The following KCNIP4 variants were observed in gnomAD, a reference collection of about 807,000 sequenced individuals.
The protein encoded by KCNIP4 is potassium voltage-gated channel interacting protein 4.
In KCNIP4, 12 loss-of-function variants were observed where a neutral mutation model predicts 34.0. The ratio of observed to expected loss-of-function variants is 0.35; its 90% confidence interval spans 0.23 to 0.57. The LOEUF (loss-of-function observed/expected upper bound fraction) is 0.57, where lower values mean the gene tolerates loss of function less well. KCNIP4 is among the 20% of genes least tolerant of loss of function. KCNIP4 has a pLI of 0.83. For synonymous variants in KCNIP4, 124 were observed against 102.2 expected, an observed-to-expected ratio of 1.21 and a Z score of -1.29; for missense variants, 238 against 311.7, an observed-to-expected ratio of 0.76 and a Z score of 1.78.
intron 1 of KCNIP4, among the ~76,000 whole-genome samples, chr4:21,229,762 C>T (rs750767698): frequency 6.6e-6 from 1 of 152,098 alleles, no homozygotes; most frequent in Admixed American, 6.6e-5. Context: ...ATAGGCACCT[C>T]ATAGCTACCT....
chr4:21,488,656 G>A (rs1469522465), intron 1 of KCNIP4, among the ~76,000 whole-genome samples: 1 of 152,170 alleles, frequency 6.6e-6, no homozygotes, highest in Non-Finnish European at 1.5e-5. Context: ...AAACCAATAC[G>A]TCACAATCAC....
intron 1 of KCNIP4, among the ~76,000 whole-genome samples, chr4:21,843,120 G>A (rs777944796): frequency 4.6e-5 from 7 of 152,064 alleles, no homozygotes; most frequent in Non-Finnish European, 1.0e-4. Flanking sequence ...AGCAAAATAT[G>A]TGATTCATCC....
intron 1 of KCNIP4, among the ~76,000 whole-genome samples, chr4:21,353,455 G>A (rs1169230241): frequency 6.6e-6 from 1 of 152,164 alleles, no homozygotes; most frequent in Non-Finnish European, 1.5e-5. Flanking sequence ...GACCTTAAAT[G>A]ATGTGATGGA....
intron 1 of KCNIP4, among the ~76,000 whole-genome samples, chr4:21,263,166 C>T (rs531776927): frequency 6.2e-4 from 94 of 152,288 alleles, no homozygotes; most frequent in Non-Finnish European, 1.2e-3. Context: ...TGATAATTCT[C>T]CTTGTTGTAA....
At chr4:20,849,079 C>T (rs1441333001) in intron 3 of KCNIP4, among the ~76,000 whole-genome samples, 2 of 152,166 alleles carry the variant, frequency 1.3e-5, no homozygotes, top group Non-Finnish European at 2.9e-5. Context: ...CATCCTCTTT[C>T]CTGGTTGTCA....
intron 1 of KCNIP4, among the ~76,000 whole-genome samples, chr4:21,040,781 T>C (rs1181385303): frequency 6.6e-6 from 1 of 151,834 alleles, no homozygotes; most frequent in African/African-American, 2.4e-5. Flanking sequence ...CACAAAAACA[T>C]GATGAAAAGT....
chr4:21,723,214 A>T (rs1714949237), intron 1 of KCNIP4, among the ~76,000 whole-genome samples: 1 of 152,150 alleles, frequency 6.6e-6, no homozygotes, highest in African/African-American at 2.4e-5. Flanking sequence ...TAAAAACAAA[A>T]CAACAGTAAA....
At chr4:21,260,190 C>T (rs1014964777) in intron 1 of KCNIP4, among the ~76,000 whole-genome samples, 7 of 152,038 alleles carry the variant, frequency 4.6e-5, no homozygotes, top group Admixed American at 1.3e-4. Flanking sequence ...TGGCTTTAAG[C>T]GGCTATGCCT....
chr4:21,763,092 G>A lies in KCNIP4; in HGVS notation c.61+185479C>T, dbSNP rs531538262. On this transcript the variant is annotated intron_variant, in intron 1 of 8. Coordinates refer to ENST00000382152, the MANE Select transcript of KCNIP4 (RefSeq NM_025221.6). The stretch of plus-strand genomic sequence containing the variant: ...TTTCCTCGTCAGGACACTCAGGAAT[G>A]CATTCCTAACAACGAGCACAGGTTC... 6 of 1,288,496 alleles carry A rather than the reference G, an allele frequency of 4.7e-6. No individual in the cohort carries two copies. The East Asian group carries it at 2.8e-4, about 60-fold the overall frequency. The allele number at this position is 1,288,496 out of a possible 1,614,324, so 79.8% of individuals were successfully genotyped here. A position where few individuals can be genotyped will look rare whatever the true frequency, so the allele number is the denominator to read the frequency against.
At chr4:21,522,124 C>G (rs1735580063) in intron 1 of KCNIP4, among the ~76,000 whole-genome samples, 1 of 151,894 alleles carries the variant, frequency 6.6e-6, no homozygotes, top group South Asian at 2.1e-4. Flanking sequence ...TTGTAAAATA[C>G]AAGACTATTT....
At chr4:21,826,215 A>ATT (rs1401506780) in intron 1 of KCNIP4, among the ~76,000 whole-genome samples, 3 of 152,198 alleles carry the variant, frequency 2.0e-5, no homozygotes, top group Admixed American at 6.6e-5. Context: ...TGAAATCTAC[A>ATT]TAAGTCATTT....
At chr4:21,301,499 T>C (rs976470351) in intron 1 of KCNIP4, among the ~76,000 whole-genome samples, 2 of 152,098 alleles carry the variant, frequency 1.3e-5, no homozygotes, top group South Asian at 2.1e-4. Context: ...AATTCTTTCA[T>C]AGGACAATTG....
intron 1 of KCNIP4, among the ~76,000 whole-genome samples, chr4:21,624,123 T>C (rs530901056): frequency 1.3e-4 from 20 of 152,236 alleles, no homozygotes; most frequent in Non-Finnish European, 2.8e-4. Flanking sequence ...GGACTTCAGA[T>C]CAGACAGACC....
chr4:21,325,561 A>C (rs539236937), intron 1 of KCNIP4, among the ~76,000 whole-genome samples: 1 of 151,558 alleles, frequency 6.6e-6, no homozygotes, highest in Non-Finnish European at 1.5e-5. Context: ...TTTATGTTTC[A>C]TTGATCTTTT....
chr4:20,813,628 T>G (rs1716034928), intron 3 of KCNIP4, among the ~76,000 whole-genome samples: 1 of 152,184 alleles, frequency 6.6e-6, no homozygotes, highest in South Asian at 2.1e-4. Flanking sequence ...GATCCTGAAC[T>G]TCTGTCAAAG....
intron 2 of KCNIP4, among the ~76,000 whole-genome samples, chr4:20,861,655 G>T (rs1227245860): frequency 6.6e-6 from 1 of 151,994 alleles, no homozygotes; most frequent in Non-Finnish European, 1.5e-5. Context: ...TTGGAAAATG[G>T]CCATTTAGTT....
intron 1 of KCNIP4, among the ~76,000 whole-genome samples, chr4:21,004,633 A>G (rs1738406748): frequency 1.3e-5 from 2 of 152,212 alleles, no homozygotes; most frequent in South Asian, 4.1e-4. Context: ...AGGAGTTGGA[A>G]GCAGAGAGGG....
At chr4:20,861,555 AAAAC>A (rs907073940) in intron 2 of KCNIP4, among the ~76,000 whole-genome samples, 1 of 152,222 alleles carries the variant, frequency 6.6e-6, no homozygotes, top group Non-Finnish European at 1.5e-5. Context: ...CCAAAATACA[AAAAC>A]AAACACCAAA....
chr4:20,759,561 C>T (rs988406335), intron 3 of KCNIP4, among the ~76,000 whole-genome samples: 1 of 152,132 alleles, frequency 6.6e-6, no homozygotes, highest in Non-Finnish European at 1.5e-5. Context: ...ATCTTGGGAA[C>T]TACACCCATG....
Sources: gnomAD v4.1 joint callset for allele counts (sites outside exome capture counted in the v4.1 genomes callset) on GRCh38, gnomAD v4.1.1 for gene constraint, MANE v1.5 for transcripts, NCBI Gene and HGNC (gene_info 2026-07-23, HGNC 2026-07-21) for gene names.